SLCO3A1: variants seen among roughly 807,000 people sequenced by gnomAD.
SLCO3A1 encodes PGE1 transporter.
In SLCO3A1, 27 loss-of-function variants were observed where a neutral mutation model predicts 63.1. The observed-to-expected ratio is 0.43, with a 90% CI of 0.32 to 0.59. The LOEUF is 0.59. SLCO3A1 is among the 20% of genes least tolerant of loss of function. SLCO3A1 has a pLI of 0.09. For missense variants in SLCO3A1, 773 were observed against 945.8 expected (o/e 0.82, Z 2.40); for synonymous variants, 473 against 409.9 (o/e 1.15, Z -1.86).
chr15:91,956,302 G>C (rs1900175333), intron 2 of SLCO3A1, among the ~76,000 whole-genome samples: 1 of 152,158 alleles, frequency 6.6e-6, no homozygotes, highest in Admixed American at 6.5e-5. Context: ...AGGAGGATTT[G>C]ATGCGAAATG....
chr15:91,864,522 T>A (rs1048809345), intron 1 of SLCO3A1, among the ~76,000 whole-genome samples: 1 of 150,014 alleles, frequency 6.7e-6, no homozygotes, highest in African/African-American at 2.5e-5. Flanking sequence ...TAAATAGGCT[T>A]AATGCTTTCT....
intron 2 of SLCO3A1, among the ~76,000 whole-genome samples, chr15:91,949,662 A>G (rs1899932111): frequency 6.6e-6 from 1 of 151,972 alleles, no homozygotes; most frequent in South Asian, 2.1e-4. Flanking sequence ...GTGAATTGCC[A>G]GCGTGGTTCT....
chr15:92,012,261 C>G (rs994916234), intron 2 of SLCO3A1, among the ~76,000 whole-genome samples: 1 of 152,174 alleles, frequency 6.6e-6, no homozygotes, highest in African/African-American at 2.4e-5. Flanking sequence ...GAGCAGCTTG[C>G]ACGTGAGCAA....
chr15:91,893,633 T>C (rs1897930392), intron 1 of SLCO3A1, among the ~76,000 whole-genome samples: 2 of 152,214 alleles, frequency 1.3e-5, no homozygotes, highest in South Asian at 2.1e-4. Flanking sequence ...GGTTTCAATA[T>C]ATGAACATTT....
intron 2 of SLCO3A1, among the ~76,000 whole-genome samples, chr15:91,926,611 C>CG (rs1567189506): frequency 1.7e-5 from 1 of 60,568 alleles, no homozygotes; most frequent in Non-Finnish European, 3.7e-5. Flanking sequence ...GCGCGCACGC[C>CG]CATGCTTATT....
chr15:92,076,280 G>T (rs1289841225), intron 2 of SLCO3A1, among the ~76,000 whole-genome samples: 2 of 152,156 alleles, frequency 1.3e-5, no homozygotes, highest in African/African-American at 4.8e-5. Flanking sequence ...CGTGCAGCTG[G>T]TGCCAACCTG....
At chr15:91,995,665 T>C (rs2046182204) in intron 2 of SLCO3A1, among the ~76,000 whole-genome samples, 1 of 150,948 alleles carries the variant, frequency 6.6e-6, no homozygotes, top group Non-Finnish European at 1.5e-5. Flanking sequence ...ACTGAAGCTT[T>C]AGTCCTTTTA....
At chr15:91,951,398 C>CT (rs1899993002) in intron 2 of SLCO3A1, among the ~76,000 whole-genome samples, 1 of 152,130 alleles carries the variant, frequency 6.6e-6, no homozygotes, top group Non-Finnish European at 1.5e-5. Context: ...TACTGCATTC[C>CT]TTTTTATGGC....
At chr15:92,093,551 C>T (rs796161743) in intron 2 of SLCO3A1, among the ~76,000 whole-genome samples, 7 of 152,226 alleles carry the variant, frequency 4.6e-5, no homozygotes, top group African/African-American at 1.2e-4. Flanking sequence ...TTCCTTTGCC[C>T]GGTATTTAAA....
At chr15:92,090,402 C>T (rs1407164979) in intron 2 of SLCO3A1, among the ~76,000 whole-genome samples, 1 of 152,200 alleles carries the variant, frequency 6.6e-6, no homozygotes, top group Non-Finnish European at 1.5e-5. Flanking sequence ...AAGATTTGTG[C>T]TAATTCACTG....
At chr15:91,921,238 G>C (rs1898834022) in intron 2 of SLCO3A1, among the ~76,000 whole-genome samples, 1 of 152,194 alleles carries the variant, frequency 6.6e-6, no homozygotes, top group African/African-American at 2.4e-5. Context: ...TGGTCTCTCT[G>C]TGTATCCAAT....
At chr15:92,046,253 A>G (rs57274240) in intron 2 of SLCO3A1, among the ~76,000 whole-genome samples, 24,213 of 152,062 alleles carry the variant, frequency 0.16, 2,009 homozygotes, top group African/African-American at 0.2. Flanking sequence ...GGTGGGTCAC[A>G]CCTGTAATAA....
Position 91,886,609 on chromosome 15 carries a change from A to G in SLCO3A1, c.181-29384A>G, listed in dbSNP as rs568519164. 2.6e-5 allele frequency among the ~76,000 whole-genome samples: 4 copies of G among 152,324 alleles called. No individual in the cohort carries two copies. Among genetic ancestry groups the G allele is most frequent in the African/African-American group, 9.6e-5 (4 of 41,564 alleles). On this transcript the variant is annotated intron_variant, in intron 1 of 9. Coordinates refer to ENST00000318445, the MANE Select transcript of SLCO3A1 (RefSeq NM_013272.4). This position sits in a 1 kb window ranked among gnomAD's most constrained non-coding sequence, Gnocchi z 4.9. ...CGGTGTGACCATATTTGATGTGCTT[A>G]CTGATTCCTAAGTCACCTACTGGCA...
In SLCO3A1 at chr15:91,862,896, C is replaced by G. The variant is rs911701363; in HGVS notation, c.180+8808C>G. Among the ~76,000 whole-genome samples, 6 of 152,154 alleles carry G rather than the reference C, an allele frequency of 3.9e-5. No homozygotes were observed. The highest frequency in any genetic ancestry group is 1.4e-4 in the African/African-American group (6 of 41,426). On this transcript the variant is annotated intron_variant, in intron 1 of 9. Coordinates refer to ENST00000318445, the MANE Select transcript of SLCO3A1 (RefSeq NM_013272.4). This position sits in a 1 kb window ranked among gnomAD's most constrained non-coding sequence, Gnocchi z 4.0. ...TGGCTATTGTCTTTCACCCCCTTTG[C>G]AAGAGGCTTATGTAAAATAGGCAGG...
At position 92,055,682 on chromosome 15, in the gene SLCO3A1, C is replaced by T. The variant is rs192435783; in HGVS notation, c.647-39199C>T. 3.5e-3 allele frequency among the ~76,000 whole-genome samples: 534 copies of T among 152,328 alleles called. 3 individuals carry two copies. The highest frequency in any genetic ancestry group is 6.2e-3 in the Non-Finnish European group (423 of 68,032). ...GGCAGACAAGAGAAAGACTGGGCCA[C>T]ATGCAGCCTCTTGAGCTCTCTGCAC... On this transcript the variant is annotated intron_variant, in intron 2 of 9. Transcript: ENST00000318445.
intron 2 of SLCO3A1, among the ~76,000 whole-genome samples, chr15:92,024,292 T>C (rs2046544423): frequency 6.6e-6 from 1 of 152,308 alleles, no homozygotes; most frequent in South Asian, 2.1e-4. Flanking sequence ...GTTTGGTAAA[T>C]AGAAGTGACT....
chr15:92,010,958 A>T (rs542936501), intron 2 of SLCO3A1, among the ~76,000 whole-genome samples: 79 of 152,350 alleles, frequency 5.2e-4, no homozygotes, highest in African/African-American at 1.9e-3. Context: ...CACAGTAGCC[A>T]TCTAAACAGA....
intron 2 of SLCO3A1, among the ~76,000 whole-genome samples, chr15:91,987,186 G>A (rs1444336012): frequency 6.6e-6 from 1 of 152,136 alleles, no homozygotes; most frequent in Non-Finnish European, 1.5e-5. Context: ...AGATAATAAG[G>A]GAACAAAACC....
At chr15:92,053,900 T>C (rs1443779853) in intron 2 of SLCO3A1, among the ~76,000 whole-genome samples, 1 of 152,058 alleles carries the variant, frequency 6.6e-6, no homozygotes, top group Non-Finnish European at 1.5e-5. Context: ...GTCTGCTGTT[T>C]GGCAGGAAGT....
Sources: gnomAD v4.1 joint callset for allele counts (sites outside exome capture counted in the v4.1 genomes callset) on GRCh38, gnomAD v4.1.1 for gene constraint, Gnocchi (gnomAD v3.1) non-coding constraint, MANE v1.5 for transcripts, NCBI Gene and HGNC (gene_info 2026-07-23, HGNC 2026-07-21) for gene names.